The following RASGRP3 variants were observed in gnomAD, a reference collection of about 807,000 sequenced individuals.
The protein encoded by RASGRP3 is RAS guanyl releasing protein 3.
RASGRP3 carries 54 observed loss-of-function variants against 82.7 expected under a neutral mutation model. That is an observed-to-expected ratio of 0.65 (90% confidence interval 0.52 to 0.82). The LOEUF is 0.82. RASGRP3 is among the 40% of genes least tolerant of loss of function. RASGRP3 has a pLI of 0.00. For synonymous variants in RASGRP3, 309 were observed against 300.5 expected, an observed-to-expected ratio of 1.03 and a Z score of -0.29; for missense variants, 861 against 828.9, an observed-to-expected ratio of 1.04 and a Z score of -0.48.
At chr2:33,490,288 A>G (rs1026705780) in intron 1 of RASGRP3, among the ~76,000 whole-genome samples, 1 of 152,146 alleles carries the variant, frequency 6.6e-6, no homozygotes, top group Non-Finnish European at 1.5e-5. Flanking sequence ...TCTTCACTGC[A>G]ATTCTAAACA....
At position 33,555,377 on chromosome 2, in the gene RASGRP3, G is replaced by A. The variant is rs72867432; in HGVS notation, c.1543-154G>A. Reference sequence around the variant, plus strand: ...CACAGCTGGAAGGGGCCGGGAGAGGGTTCTTCTATCTGGCAGGAAGGGTGT... The same window carrying A: ...CACAGCTGGAAGGGGCCGGGAGAGGATTCTTCTATCTGGCAGGAAGGGTGT... On this transcript the variant is annotated intron_variant, in intron 14 of 17. Coordinates refer to ENST00000403687, the MANE Select transcript of RASGRP3 (RefSeq NM_001139488.2). The A allele has an allele frequency of 9.4e-4, 502 of 533,774 alleles. 3 individuals carry two copies. Among genetic ancestry groups the A allele is most frequent in the African/African-American group, 9.2e-3 (471 of 51,300 alleles). The allele number at this position is 533,774 out of a possible 1,614,324, so 33.1% of individuals were successfully genotyped here. A position where few individuals can be genotyped will look rare whatever the true frequency, so the allele number is the denominator to read the frequency against.
intron 1 of RASGRP3, among the ~76,000 whole-genome samples, chr2:33,509,682 A>G (rs1670745522): frequency 6.6e-6 from 1 of 152,122 alleles, no homozygotes; most frequent in African/African-American, 2.4e-5. Flanking sequence ...GCTCCATAAG[A>G]TATTTTATTG....
At chr2:33,536,350 AAAAG>A (rs1253078814) in intron 11 of RASGRP3, among the ~76,000 whole-genome samples, 6 of 151,526 alleles carry the variant, frequency 4.0e-5, no homozygotes, top group Admixed American at 6.6e-5. Context: ...ACAGAAAGAA[AAAAG>A]AAAGAAAACT....
At chr2:33,548,021 A>G (rs1574480519) in intron 13 of RASGRP3, among the ~76,000 whole-genome samples, 1 of 152,228 alleles carries the variant, frequency 6.6e-6, no homozygotes, top group Admixed American at 6.5e-5. Context: ...GGAGGAAATG[A>G]TAAAAGAACC....
chr2:33,484,577 G>A (rs1258315033), intron 1 of RASGRP3, among the ~76,000 whole-genome samples: 1 of 151,964 alleles, frequency 6.6e-6, no homozygotes, highest in Non-Finnish European at 1.5e-5. Context: ...AGTCTGAATG[G>A]TGGTGCTGGA....
In RASGRP3 at chr2:33,479,874, A is replaced by ATTACAT. The variant is rs146341379; in HGVS notation, c.-261+3167_-261+3168insTTACAT. Among the ~76,000 whole-genome samples the ATTACAT allele has an allele frequency of 7.5e-3, 1,135 of 152,204 alleles. 14 individuals are homozygous for ATTACAT. The highest frequency in any genetic ancestry group is 0.026 in the African/African-American group (1,100 of 41,512). ...ATTAGGGTTGGAGATAATGGGAAAG[A>ATTACAT]GCACCAGGTAGTATGTAATCAACAG... On this transcript the variant is annotated intron_variant, in intron 1 of 17. Transcript: ENST00000403687.
Position 33,562,830 on chromosome 2 carries a change from T to C in RASGRP3, c.*93T>C. The C allele has an allele frequency of 1.3e-6, 2 of 1,487,346 alleles. No homozygotes were observed. Among genetic ancestry groups the C allele is most frequent in the Non-Finnish European group, 1.9e-6 (2 of 1,071,014 alleles). 92.1% of individuals were successfully genotyped at this position (1,487,346 alleles called of 1,614,324 possible). A position where few individuals can be genotyped will look rare whatever the true frequency, so the allele number is the denominator to read the frequency against. On this transcript the variant is annotated 3_prime_UTR_variant, in exon 18 of 18. Coordinates refer to ENST00000403687, the MANE Select transcript of RASGRP3 (RefSeq NM_001139488.2). ...GAAAGCTCTGACTCTCAGGAAGTTA[T>C]CTGGAAAGATACCTGGATGTTTACT...
At chr2:33,558,042 A>G (rs1365415178) in intron 15 of RASGRP3, among the ~76,000 whole-genome samples, 169 bp from the exon 16 acceptor site, 2 of 151,782 alleles carry the variant, frequency 1.3e-5, no homozygotes, top group Non-Finnish European at 2.9e-5. Context: ...GTGCAGACCA[A>G]TGGCCTCTTT....
At chr2:33,558,456 T>C (rs950545713) in intron 16 of RASGRP3, 120 bp downstream of exon 16, 6 of 1,450,674 alleles carry the variant, frequency 4.1e-6, no homozygotes, top group Non-Finnish European at 5.6e-6. Flanking sequence ...AGGCCTTCTT[T>C]AGGGTGAGCA....
At chr2:33,462,857 T>C (rs1320638133) in intron 2 of RASGRP3, among the ~76,000 whole-genome samples, 1 of 152,230 alleles carries the variant, frequency 6.6e-6, no homozygotes, top group African/African-American at 2.4e-5. Context: ...TACTAATGCT[T>C]GAATAGAAAG....
chr2:33,488,678 C>T lies in RASGRP3; in HGVS notation c.-261+11971C>T, dbSNP rs146438462. 1.7e-3 allele frequency among the ~76,000 whole-genome samples: 260 copies of T among 152,248 alleles called. 1 individual carries two copies. The highest frequency in any genetic ancestry group is 6.0e-3 in the African/African-American group (248 of 41,550). ...CAGGAATAAAACAAGGGCCAAAATC[C>T]ACCAGTTAGTCAGGCGGGGAATACA... On this transcript the variant is annotated intron_variant, in intron 1 of 17. Coordinates refer to ENST00000403687, the MANE Select transcript of RASGRP3 (RefSeq NM_001139488.2).
Position 33,524,546 on chromosome 2 carries a change from A to G in RASGRP3, c.805A>G (p.Lys269Glu). 2 of 1,574,236 alleles carry G rather than the reference A, an allele frequency of 1.3e-6. No individual in the cohort carries two copies. The highest frequency in any genetic ancestry group is 1.7e-6 in the Non-Finnish European group (2 of 1,153,980). Residue 269 changes from lysine (K) to glutamate (E), a missense_variant and splice_region_variant, in exon 9 of 18, where the codon AAG (lysine) becomes GAG (glutamate). Lys to Glu is a moderately conservative substitution (Grantham distance 56). Transcript: ENST00000403687. ...THSHLSSEVT[K>E]NWNEMTELVS... ...TTCTCATCTTTCTTCAGAAGTTACAAAGGTATAGTAGACTTGATCCTAATC... is the reference window on the plus strand; with the variant it reads ...TTCTCATCTTTCTTCAGAAGTTACAGAGGTATAGTAGACTTGATCCTAATC...
At chr2:33,483,781 G>A (rs1668137564) in intron 1 of RASGRP3, among the ~76,000 whole-genome samples, 1 of 152,048 alleles carries the variant, frequency 6.6e-6, no homozygotes, top group Non-Finnish European at 1.5e-5. Context: ...GAGCCACTGC[G>A]CCCGGCCTAG....
At chr2:33,478,838 G>C (rs1020114925) in intron 1 of RASGRP3, among the ~76,000 whole-genome samples, 2 of 152,172 alleles carry the variant, frequency 1.3e-5, no homozygotes, top group African/African-American at 4.8e-5. Flanking sequence ...TACTTTTATT[G>C]TGCACTTACT....
chr2:33,466,402 G>T (rs975061722), intron 2 of RASGRP3, among the ~76,000 whole-genome samples: 1 of 152,004 alleles, frequency 6.6e-6, no homozygotes, highest in Admixed American at 6.5e-5. Flanking sequence ...GAGGGGGCTG[G>T]GCATGGTGGC....
chr2:33,471,229 G>A (rs1667042005), intron 2 of RASGRP3, among the ~76,000 whole-genome samples: 2 of 152,080 alleles, frequency 1.3e-5, no homozygotes, highest in Non-Finnish European at 2.9e-5. Flanking sequence ...AGTCTGGAGT[G>A]CAGTGGTGTG....
chr2:33,525,010 G>C (rs1435339484), intron 9 of RASGRP3, among the ~76,000 whole-genome samples: 1 of 150,876 alleles, frequency 6.6e-6, no homozygotes. Context: ...GAACCTGGGA[G>C]GCAGAGCTTG....
In RASGRP3 at chr2:33,516,595, C is replaced by T; in HGVS notation, c.124C>T (p.His42Tyr). 3.8e-6 allele frequency: 6 copies of T among 1,594,856 alleles called. No individual in the cohort carries two copies. The highest frequency in any genetic ancestry group is 5.1e-6 in the Non-Finnish European group (6 of 1,166,770). The change falls in exon 4 of 18, where the codon CAC (histidine) becomes TAC (tyrosine). Residue 42 changes from histidine to tyrosine, a missense_variant. Coordinates refer to ENST00000403687, the MANE Select transcript of RASGRP3 (RefSeq NM_001139488.2). ...SYLPRIVLLM[H>Y]RWYLSSTELA... ...TTTGCCAAGAATAGTTCTACTGATG[C>T]ACCGATGGTATTTATCTTCCACTGA...
chr2:33,526,072 C>G (rs1402274217), intron 9 of RASGRP3, among the ~76,000 whole-genome samples: 2 of 152,170 alleles, frequency 1.3e-5, no homozygotes, highest in African/African-American at 4.8e-5. Flanking sequence ...AACTCTTCAC[C>G]CATAGAATTA....
Sources: gnomAD v4.1 joint callset for allele counts (sites outside exome capture counted in the v4.1 genomes callset) on GRCh38, gnomAD v4.1.1 for gene constraint, MANE v1.5 for transcripts, NCBI Gene and HGNC (gene_info 2026-07-23, HGNC 2026-07-21) for gene names.